FHIT: variants seen among roughly 807,000 people sequenced by gnomAD.
The protein encoded by FHIT is fragile histidine triad diadenosine triphosphatase.
FHIT carries 19 observed loss-of-function variants against 17.9 expected under a neutral mutation model. That is an observed-to-expected ratio of 1.06 (90% confidence interval 0.74 to 1.56). The LOEUF (loss-of-function observed/expected upper bound fraction) is 1.56, where lower values mean the gene tolerates loss of function less well. FHIT is among the 40% of genes most tolerant of loss of function. The pLI is 0.00. For synonymous variants in FHIT, 81 were observed against 69.7 expected (o/e 1.16, Z -0.81); for missense variants, 248 against 189.2 (o/e 1.31, Z -1.82).
At chr3:61,179,511 C>G (rs977149783) in intron 2 of FHIT, among the ~76,000 whole-genome samples, 2 of 151,758 alleles carry the variant, frequency 1.3e-5, no homozygotes, top group Admixed American at 6.6e-5. Flanking sequence ...GGGTTCAAGA[C>G]CAGCCTGGGC....
At chr3:60,834,672 G>A (rs887599373) in intron 3 of FHIT, among the ~76,000 whole-genome samples, 101 of 151,738 alleles carry the variant, frequency 6.7e-4, no homozygotes, top group African/African-American at 2.1e-3. Context: ...TGGCCAACAC[G>A]GCAAAAGCCA....
intron 8 of FHIT, among the ~76,000 whole-genome samples, chr3:59,917,724 G>C (rs17300987): frequency 0.044 from 6,708 of 152,280 alleles, 257 homozygotes; most frequent in Non-Finnish European, 0.061. Flanking sequence ...TGAGACAGAA[G>C]AGAGGCTCAT....
chr3:60,725,926 C>T (rs7643144), intron 4 of FHIT, among the ~76,000 whole-genome samples: 78,745 of 151,806 alleles, frequency 0.52, 21,267 homozygotes, highest in East Asian at 0.81. Context: ...TATTAAGGCT[C>T]ACTGATGTAA....
chr3:60,263,766 T>C (rs1706425319), intron 5 of FHIT, among the ~76,000 whole-genome samples: 1 of 151,942 alleles, frequency 6.6e-6, no homozygotes, highest in Admixed American at 6.6e-5. Flanking sequence ...TTATGTGTGT[T>C]GCTGTATATA....
intron 5 of FHIT, among the ~76,000 whole-genome samples, chr3:60,489,163 T>C (rs2033963870): frequency 6.6e-6 from 1 of 152,308 alleles, no homozygotes; most frequent in Non-Finnish European, 1.5e-5. Flanking sequence ...TATTTCTCTC[T>C]ATAATAGAAA....
At chr3:61,202,991 T>C (rs1383678226) in intron 1 of FHIT, among the ~76,000 whole-genome samples, 7 of 151,782 alleles carry the variant, frequency 4.6e-5, no homozygotes, top group African/African-American at 1.5e-4. Flanking sequence ...CCATCCTGGC[T>C]AATATGGTGA....
chr3:60,150,057 G>A (rs1700399694), intron 5 of FHIT, among the ~76,000 whole-genome samples: 2 of 127,232 alleles, frequency 1.6e-5, no homozygotes, highest in African/African-American at 3.0e-5. Flanking sequence ...GTGCAGTGGC[G>A]CAATCTCAGC....
At chr3:59,868,361 G>A (rs748413327) in intron 8 of FHIT, among the ~76,000 whole-genome samples, 78 of 152,044 alleles carry the variant, frequency 5.1e-4, no homozygotes, top group Non-Finnish European at 1.2e-4. Context: ...TTTTCTCCAT[G>A]TGACTGTCAG....
At chr3:60,878,770 G>A (rs1321092211) in intron 3 of FHIT, among the ~76,000 whole-genome samples, 10 of 152,072 alleles carry the variant, frequency 6.6e-5, no homozygotes, top group Admixed American at 4.6e-4. Flanking sequence ...ATAATTTGCT[G>A]AGAATGATGG....
chr3:60,825,914 G>T lies in FHIT; in HGVS notation c.-110-3903C>A, dbSNP rs148711451. On this transcript the variant is annotated intron_variant, in intron 3 of 9. Coordinates refer to ENST00000492590, the MANE Select transcript of FHIT (RefSeq NM_002012.4). ...TTTAGGCAGGGGTACAGGCAGCAAA[G>T]AAAGTGGAGGGTGGAGGGAAGGACA... Among the ~76,000 whole-genome samples the T allele has an allele frequency of 3.0e-4, 46 of 152,150 alleles. No homozygotes were observed. In the East Asian group the frequency reaches 4.8e-3, roughly 16 times the overall value.
intron 7 of FHIT, among the ~76,000 whole-genome samples, chr3:59,992,095 A>G (rs933925826): frequency 6.6e-6 from 1 of 152,188 alleles, no homozygotes; most frequent in Non-Finnish European, 1.5e-5. Flanking sequence ...AGATTTGTCC[A>G]AGGCTGTAGA....
chr3:60,958,329 T>C (rs62267341), intron 3 of FHIT, among the ~76,000 whole-genome samples: 35,618 of 152,006 alleles, frequency 0.23, 4,525 homozygotes, highest in African/African-American at 0.34. Flanking sequence ...TCTGGAGAAG[T>C]ACAGTATATA....
At chr3:60,686,585 T>G in intron 4 of FHIT, among the ~76,000 whole-genome samples, 1 of 152,024 alleles carries the variant, frequency 6.6e-6, no homozygotes, top group African/African-American at 2.4e-5. Flanking sequence ...ATAGAGAAAA[T>G]CTATATTGAT....
At chr3:60,958,246 A>AGAATAAGG (rs1709263222) in intron 3 of FHIT, among the ~76,000 whole-genome samples, 1 of 152,182 alleles carries the variant, frequency 6.6e-6, no homozygotes, top group Admixed American at 6.5e-5. Flanking sequence ...ATATAAATAT[A>AGAATAAGG]CCTGGTATAG....
At chr3:61,041,623 G>C (rs897344406) in intron 3 of FHIT, among the ~76,000 whole-genome samples, 9 of 149,656 alleles carry the variant, frequency 6.0e-5, no homozygotes, top group Non-Finnish European at 1.0e-4. Flanking sequence ...TCCTTACGAA[G>C]ATAGAAATGC....
chr3:60,126,799 T>C (rs922559725), intron 5 of FHIT, among the ~76,000 whole-genome samples: 2 of 152,156 alleles, frequency 1.3e-5, no homozygotes, highest in African/African-American at 4.8e-5. Flanking sequence ...ATGCCAGATC[T>C]GGGGATTTTC....
At chr3:60,124,443 T>C (rs1705447299) in intron 5 of FHIT, among the ~76,000 whole-genome samples, 1 of 152,260 alleles carries the variant, frequency 6.6e-6, no homozygotes, top group African/African-American at 2.4e-5. Context: ...TCTTCATCCT[T>C]GGATACCTAT....
At chr3:60,793,678 A>G (rs1700869833) in intron 4 of FHIT, among the ~76,000 whole-genome samples, 1 of 152,228 alleles carries the variant, frequency 6.6e-6, no homozygotes, top group African/African-American at 2.4e-5. Context: ...GAACAGGGAA[A>G]GGCAAGAAGC....
chr3:60,716,291 C>G (rs562391964), intron 4 of FHIT, among the ~76,000 whole-genome samples: 2 of 151,916 alleles, frequency 1.3e-5, no homozygotes, highest in Non-Finnish European at 2.9e-5. Flanking sequence ...GCAAAAAACC[C>G]TTAGTTTAAA....
Sources: gnomAD v4.1 joint callset for allele counts (sites outside exome capture counted in the v4.1 genomes callset) on GRCh38, gnomAD v4.1.1 for gene constraint, MANE v1.5 for transcripts, NCBI Gene and HGNC (gene_info 2026-07-23, HGNC 2026-07-21) for gene names.